CHN1: variants seen among roughly 807,000 people sequenced by gnomAD.
The protein encoded by CHN1 is N-chimaerin.
CHN1 carries 37 observed loss-of-function variants against 59.5 expected under a neutral mutation model. The ratio of observed to expected loss-of-function variants is 0.62; its 90% CI spans 0.48 to 0.82. The LOEUF is 0.82. CHN1 is among the 40% of genes least tolerant of loss of function. CHN1 has a pLI of 0.00. For synonymous variants in CHN1, 206 were observed against 200.4 expected, an observed-to-expected ratio of 1.03 and a Z score of -0.24; for missense variants, 469 against 571.0, an observed-to-expected ratio of 0.82 and a Z score of 1.82.
At chr2:174,868,007 A>G (rs1473498667) in intron 6 of CHN1, among the ~76,000 whole-genome samples, 1 of 152,194 alleles carries the variant, frequency 6.6e-6, no homozygotes, top group Non-Finnish European at 1.5e-5. Flanking sequence ...GACAGACTAA[A>G]AGGAAACTCA....
At chr2:174,973,566 T>G (rs532295463) in intron 1 of CHN1, among the ~76,000 whole-genome samples, 13 of 152,310 alleles carry the variant, frequency 8.5e-5, no homozygotes, top group African/African-American at 3.1e-4. Context: ...AAGCAAAAGA[T>G]GAAGGATGCC....
intron 1 of CHN1, among the ~76,000 whole-genome samples, chr2:174,979,545 T>C (rs1691069588): frequency 6.6e-6 from 1 of 152,122 alleles, no homozygotes; most frequent in Non-Finnish European, 1.5e-5. Context: ...CTGGGCGCGG[T>C]GGCTCATGCC....
Position 174,848,217 on chromosome 2 carries a change from A to C in CHN1, c.550-1260T>G, listed in dbSNP as rs191862383. The stretch of plus-strand genomic sequence containing the variant: ...ATTATTTTAATTCTCTAGTCTCAAC[A>C]TTTTTTTTATTCAGAGAGCTTGAGG... On this transcript the variant is annotated intron_variant, in intron 6 of 12. Transcript: ENST00000409900. 1.8e-4 allele frequency among the ~76,000 whole-genome samples: 27 copies of C among 151,994 alleles called. No homozygotes were observed. In the East Asian group the frequency reaches 5.0e-3, roughly 28 times the overall value.
chr2:174,825,196 T>A (rs963445546), intron 7 of CHN1, among the ~76,000 whole-genome samples: 2 of 152,244 alleles, frequency 1.3e-5, no homozygotes, highest in Non-Finnish European at 2.9e-5. Flanking sequence ...ATAGAGTATG[T>A]CTTGGGTCCT....
intron 5 of CHN1, among the ~76,000 whole-genome samples, chr2:174,884,029 G>A (rs1284214350): frequency 6.8e-6 from 1 of 147,926 alleles, no homozygotes; most frequent in Non-Finnish European, 1.5e-5. Context: ...GTGCAGTGGT[G>A]CAATCTCAGC....
intron 1 of CHN1, among the ~76,000 whole-genome samples, chr2:174,963,664 T>C (rs1465894602): frequency 6.6e-6 from 1 of 152,044 alleles, no homozygotes; most frequent in Non-Finnish European, 1.5e-5. Context: ...GCACTATGAG[T>C]TCTTCTCTGG....
At chr2:174,863,261 CATTTGAAGTTCA>C in intron 6 of CHN1, among the ~76,000 whole-genome samples, 1 of 152,184 alleles carries the variant, frequency 6.6e-6, no homozygotes, top group Non-Finnish European at 1.5e-5. Context: ...TTGAAAGATC[CATTTGAAGTTCA>C]ATAGACCAAT....
intron 3 of CHN1, among the ~76,000 whole-genome samples, chr2:174,933,301 AGAG>A (rs993229459): frequency 4.6e-5 from 7 of 152,320 alleles, no homozygotes; most frequent in African/African-American, 1.4e-4. Flanking sequence ...AGAGAAGAGA[AGAG>A]GAGAGGATTT....
chr2:174,842,523 G>A (rs1363783254), intron 7 of CHN1, among the ~76,000 whole-genome samples: 1 of 152,032 alleles, frequency 6.6e-6, no homozygotes, highest in Non-Finnish European at 1.5e-5. Context: ...AGACCATGTG[G>A]TTTAAAACTT....
chr2:174,808,497 C>T (rs559404963), intron 11 of CHN1, among the ~76,000 whole-genome samples: 14 of 152,202 alleles, frequency 9.2e-5, no homozygotes, highest in African/African-American at 3.4e-4. Context: ...GTTGGCCAGG[C>T]TGGTCTTGCA....
chr2:174,943,859 T>C (rs778058272), intron 3 of CHN1, among the ~76,000 whole-genome samples: 1 of 152,214 alleles, frequency 6.6e-6, no homozygotes, highest in Non-Finnish European at 1.5e-5. Context: ...GGTCTCACTA[T>C]GTTGCCCAGG....
At chr2:174,897,390 A>G (rs1688249045) in intron 5 of CHN1, among the ~76,000 whole-genome samples, 2 of 152,088 alleles carry the variant, frequency 1.3e-5, no homozygotes, top group South Asian at 4.1e-4. Flanking sequence ...ATCACAACAG[A>G]ATTATCAACA....
intron 1 of CHN1, among the ~76,000 whole-genome samples, chr2:174,956,771 CA>C (rs34248216): frequency 0.47 from 48,730 of 104,304 alleles, 7,718 homozygotes; most frequent in Middle Eastern, 0.56. Flanking sequence ...GACTCCATCT[CA>C]AAAAAAAAAA....
intron 1 of CHN1, among the ~76,000 whole-genome samples, chr2:174,963,131 A>G (rs923254446): frequency 6.6e-6 from 1 of 152,204 alleles, no homozygotes; most frequent in African/African-American, 2.4e-5. Flanking sequence ...TCATTCAGTA[A>G]TTACACATGA....
At chr2:174,808,747 G>A (rs557770900) in intron 11 of CHN1, among the ~76,000 whole-genome samples, 158 bp downstream of exon 11, 20 of 152,308 alleles carry the variant, frequency 1.3e-4, no homozygotes, top group African/African-American at 3.6e-4. Flanking sequence ...AATAATCTAC[G>A]TTAGAGAACA....
chr2:174,980,175 A>G (rs1200460412), intron 1 of CHN1, among the ~76,000 whole-genome samples: 1 of 152,196 alleles, frequency 6.6e-6, no homozygotes, highest in Non-Finnish European at 1.5e-5. Context: ...ATTAATACTG[A>G]CCAACACACC....
chr2:174,860,780 T>A (rs1247207852), intron 6 of CHN1, among the ~76,000 whole-genome samples: 1 of 152,174 alleles, frequency 6.6e-6, no homozygotes, highest in Non-Finnish European at 1.5e-5. Flanking sequence ...GACCATGCCC[T>A]CCTTCCAAAC....
At chr2:174,956,847 G>A (rs1690221313) in intron 1 of CHN1, among the ~76,000 whole-genome samples, 1 of 151,868 alleles carries the variant, frequency 6.6e-6, no homozygotes. Context: ...AGCAAATAGA[G>A]TCATTTCTTA....
intron 1 of CHN1, among the ~76,000 whole-genome samples, chr2:174,990,614 A>AT (rs1252372398): frequency 6.6e-6 from 1 of 152,122 alleles, no homozygotes; most frequent in African/African-American, 2.4e-5. Context: ...TTACCACTGT[A>AT]TTATTAATCC....
Sources: gnomAD v4.1 joint callset for allele counts (sites outside exome capture counted in the v4.1 genomes callset) on GRCh38, gnomAD v4.1.1 for gene constraint, MANE v1.5 for transcripts, NCBI Gene and HGNC (gene_info 2026-07-23, HGNC 2026-07-21) for gene names.